The following TBC1D23 variants were observed in gnomAD, a reference collection of about 807,000 sequenced individuals.
TBC1D23 encodes the protein TBC1 domain family member 23, also known as HCV non-structural protein 4A-transactivated protein 1.
Under a neutral mutation model 91.4 loss-of-function variants are expected in TBC1D23, and 55 were observed. The observed-to-expected ratio is 0.60, with a 90% CI of 0.48 to 0.75. The LOEUF is 0.75. Among genes scored for constraint, TBC1D23 ranks in the 30% least tolerant of loss-of-function variants. TBC1D23 has a pLI of 0.00. For synonymous variants in TBC1D23, 289 were observed against 281.0 expected, an observed-to-expected ratio of 1.03 and a Z score of -0.28; for missense variants, 725 against 836.1, an observed-to-expected ratio of 0.87 and a Z score of 1.64.
At chr3:100,276,788 T>C (rs1434902821) in intron 1 of TBC1D23, among the ~76,000 whole-genome samples, 1 of 152,206 alleles carries the variant, frequency 6.6e-6, no homozygotes, top group Non-Finnish European at 1.5e-5. Context: ...CCTGTAGTAT[T>C]ATACCAACAT....
intron 17 of TBC1D23, among the ~76,000 whole-genome samples, chr3:100,320,456 A>G (rs1302863825): frequency 6.6e-6 from 1 of 152,198 alleles, no homozygotes; most frequent in Non-Finnish European, 1.5e-5. Flanking sequence ...ATAGCGTTAA[A>G]AAATCTGAAA....
chr3:100,320,741 A>C lies in TBC1D23; in HGVS notation c.1824-36A>C, dbSNP rs1559817566. On this transcript the variant is annotated intron_variant, in intron 17 of 18. Coordinates refer to ENST00000394144, the MANE Select transcript of TBC1D23 (RefSeq NM_001199198.3). ...CCTGTTTTGAATTAAATTTACTTAA[A>C]AATTCTTTTTCTTTTAATGCTTTTT... 3.0e-6 allele frequency: 4 copies of C among 1,341,424 alleles called. No individual in the cohort carries two copies. The Admixed American group carries it at 7.8e-5, about 26-fold the overall frequency. The allele number at this position is 1,341,424 out of a possible 1,614,324, so 83.1% of individuals were successfully genotyped here. A position where few individuals can be genotyped will look rare whatever the true frequency, so the allele number is the denominator to read the frequency against.
intron 15 of TBC1D23, among the ~76,000 whole-genome samples, chr3:100,312,587 G>T (rs914569020): frequency 6.6e-6 from 1 of 152,048 alleles, no homozygotes; most frequent in African/African-American, 2.4e-5. Context: ...GGTAACAAAA[G>T]AACTTTACTA....
At chr3:100,307,319 T>C (rs1007648601) in intron 13 of TBC1D23, among the ~76,000 whole-genome samples, 1 of 152,196 alleles carries the variant, frequency 6.6e-6, no homozygotes. Context: ...CAGTACAAGG[T>C]CACAGTTAGT....
intron 14 of TBC1D23, among the ~76,000 whole-genome samples, chr3:100,311,601 AATTT>A (rs1420284002): frequency 6.6e-6 from 1 of 152,118 alleles, no homozygotes; most frequent in East Asian, 1.9e-4. Flanking sequence ...TTTATTTTAA[AATTT>A]ATTTGTTTTA....
At chr3:100,318,712 G>A (rs1003610435) in intron 16 of TBC1D23, among the ~76,000 whole-genome samples, 9 of 149,904 alleles carry the variant, frequency 6.0e-5, no homozygotes, top group Non-Finnish European at 1.2e-4. Flanking sequence ...GTGCAGTGGC[G>A]CAATCTCAGC....
chr3:100,283,692 C>A lies in TBC1D23; in HGVS notation c.357C>A (p.Asn119Lys), dbSNP rs769755822. The change falls in exon 4 of 19, where the codon AAC (asparagine) becomes AAA (lysine). Residue 119 changes from asparagine (N) to lysine (K), a missense_variant. Physicochemically the swap from Asn to Lys is moderately conservative, Grantham distance 94. Coordinates refer to ENST00000394144, the MANE Select transcript of TBC1D23 (RefSeq NM_001199198.3). The part of the protein sequence containing the change: ...SVITFYCKSR[N>K]IKYSTSLSWI... ...TTACCTTTTATTGTAAATCACGTAA[C>A]ATTAAATATAGCACATCCCTTAGCT... 16 of 1,612,304 alleles carry A rather than the reference C, an allele frequency of 9.9e-6. No homozygotes were observed. Among genetic ancestry groups the A allele is most frequent in the Non-Finnish European group, 1.4e-5 (16 of 1,178,478 alleles).
intron 9 of TBC1D23, among the ~76,000 whole-genome samples, chr3:100,298,665 G>A (rs1434008939): frequency 6.6e-6 from 1 of 152,042 alleles, no homozygotes; most frequent in African/African-American, 2.4e-5. Flanking sequence ...TATCTGCGCT[G>A]GTTATTGAGG....
rs142082867 is a variant in TBC1D23 at position 100,288,467 on chromosome 3, G to A, written c.477-2111G>A. Among the ~76,000 whole-genome samples, 712 of 152,158 alleles carry A rather than the reference G, an allele frequency of 4.7e-3. 2 individuals carry two copies. The highest frequency in any genetic ancestry group is 6.4e-3 in the Non-Finnish European group (432 of 68,002). ...ACAAGTCTTAGCTCCATCACTTCTTGGCTATTTTACCTTCAGTGAGCTACC... is the reference window on the plus strand; with the variant it reads ...ACAAGTCTTAGCTCCATCACTTCTTAGCTATTTTACCTTCAGTGAGCTACC... On this transcript the variant is annotated intron_variant, in intron 4 of 18. Coordinates refer to ENST00000394144, the MANE Select transcript of TBC1D23 (RefSeq NM_001199198.3).
At chr3:100,306,320 A>C in intron 12 of TBC1D23, 117 bp from the exon 13 acceptor site, 2,264 of 434,600 alleles carry the variant, frequency 5.2e-3, no homozygotes, top group East Asian at 9.3e-3. Flanking sequence ...ACCTGTGATT[A>C]TTTCCTTCAG....
chr3:100,310,106 C>T (rs1452680283), intron 13 of TBC1D23, among the ~76,000 whole-genome samples: 3 of 152,170 alleles, frequency 2.0e-5, no homozygotes, highest in Non-Finnish European at 4.4e-5. Flanking sequence ...AGATGGATGC[C>T]TTGCCTTGTG....
At chr3:100,281,457 C>T (rs1559803292) in intron 2 of TBC1D23, among the ~76,000 whole-genome samples, 2 of 152,040 alleles carry the variant, frequency 1.3e-5, no homozygotes. Flanking sequence ...GTTGTTTTTA[C>T]ATTAAAAAAA....
At chr3:100,283,299 G>A (rs755655263) in intron 3 of TBC1D23, among the ~76,000 whole-genome samples, 10 of 152,028 alleles carry the variant, frequency 6.6e-5, no homozygotes, top group Non-Finnish European at 1.3e-4. Flanking sequence ...ACTTGAAATC[G>A]GGAGGTGGAG....
chr3:100,265,132 T>A (rs2067547531), intron 1 of TBC1D23, among the ~76,000 whole-genome samples: 1 of 152,078 alleles, frequency 6.6e-6, no homozygotes, highest in East Asian at 1.9e-4. Context: ...GTTCTTTAGA[T>A]AATGAACTTC....
intron 3 of TBC1D23, 144 bp downstream of exon 3, chr3:100,281,991 A>G: frequency 3.8e-6 from 2 of 522,522 alleles, no homozygotes; most frequent in South Asian, 5.8e-5. Flanking sequence ...GGAAATTCTT[A>G]TGAAATATTG....
intron 1 of TBC1D23, among the ~76,000 whole-genome samples, chr3:100,267,635 G>A (rs189313881): frequency 1.7e-4 from 26 of 152,192 alleles, no homozygotes; most frequent in East Asian, 9.7e-4. Flanking sequence ...ATACTTAACC[G>A]GTTGAGCATC....
chr3:100,308,251 A>G (rs773303274), intron 13 of TBC1D23, among the ~76,000 whole-genome samples: 16 of 152,156 alleles, frequency 1.1e-4, no homozygotes, highest in Non-Finnish European at 2.1e-4. Flanking sequence ...TGAGGCGGGC[A>G]GATCACGAGG....
Position 100,281,754 on chromosome 3 carries a change from G to A in TBC1D23, c.178G>A (p.Val60Ile). 1 of 1,610,866 alleles carries A rather than the reference G, an allele frequency of 6.2e-7. No homozygotes were observed. The highest frequency in any genetic ancestry group is 8.5e-7 in the Non-Finnish European group (1 of 1,177,488). Residue 60 changes from valine to isoleucine, a missense_variant, in exon 3 of 19, where the codon GTT (valine) becomes ATT (isoleucine). By Grantham distance (29) the Val-to-Ile change is conservative (BLOSUM62 3). Transcript: ENST00000394144. The part of the protein sequence containing the change: ...RAKVWKIALN[V>I]AGKGDSLASW... ...ATCTTTCTTCCAGATTGCTCTGAAT[G>A]TTGCAGGAAAAGGTGATAGTTTGGC...
At position 100,302,230 on chromosome 3, in the gene TBC1D23, T is replaced by C; in HGVS notation, c.1256T>C (p.Phe419Ser). The C allele has an allele frequency of 6.2e-7, 1 of 1,610,086 alleles. No homozygotes were observed. Among genetic ancestry groups the C allele is most frequent in the Non-Finnish European group, 8.5e-7 (1 of 1,178,558 alleles). The part of the protein sequence containing the change: ...DMYMNMVLAH[F>S]LQKNKEYVSI... ...TATATGAACATGGTCCTGGCACACT[T>C]TTTACAGGTATGCTGACATAAATTA... Residue 419 changes from phenylalanine to serine, a missense_variant, in exon 11 of 19, where the codon TTT (phenylalanine) becomes TCT (serine). Phe to Ser is a radical substitution (Grantham distance 155). Transcript: ENST00000394144.
Sources: allele counts gnomAD v4.1 joint callset (sites outside exome capture counted in the v4.1 genomes callset), GRCh38; gene constraint gnomAD v4.1.1; transcripts MANE v1.5; gene names NCBI Gene and HGNC (gene_info 2026-07-23, HGNC 2026-07-21).